SHOC2: variants seen among roughly 807,000 people sequenced by gnomAD.
SHOC2 encodes SHOC2 leucine rich repeat scaffold protein, also known as leucine-rich repeat protein SHOC-2.
In SHOC2, 4 loss-of-function variants were observed where a neutral mutation model predicts 50.2. That is an observed-to-expected ratio of 0.08 (90% CI 0.04 to 0.18). SHOC2 has a LOEUF of 0.18. SHOC2 is among the 10% of genes least tolerant of loss of function. The pLI is 1.00. For missense variants in SHOC2, 388 were observed against 669.6 expected (o/e 0.58, Z 4.64); for synonymous variants, 218 against 244.5 (o/e 0.89, Z 1.01).
chr10:111,007,220 A>G (rs1298045345), intron 5 of SHOC2, among the ~76,000 whole-genome samples: 1 of 152,184 alleles, frequency 6.6e-6, no homozygotes, highest in Non-Finnish European at 1.5e-5. Context: ...GTGAAATTGT[A>G]AAAACATCAT....
At chr10:110,956,530 CT>C (rs1053487793) in intron 1 of SHOC2, among the ~76,000 whole-genome samples, 13 of 152,184 alleles carry the variant, frequency 8.5e-5, no homozygotes, top group African/African-American at 3.1e-4. Context: ...TCCTGTGATA[CT>C]TTGCTGCTTT....
intron 1 of SHOC2, among the ~76,000 whole-genome samples, chr10:110,933,845 T>A (rs1846942239): frequency 6.6e-6 from 1 of 151,962 alleles, no homozygotes; most frequent in African/African-American, 2.4e-5. Context: ...GTGGATCCAG[T>A]CCAGTGATGC....
chr10:111,012,509 G>T lies in SHOC2; in HGVS notation c.*691G>T, dbSNP rs1332486270. 6.6e-6 allele frequency: 1 copy of T among 152,100 alleles called. No individual in the cohort carries two copies. The highest frequency in any genetic ancestry group is 2.4e-5 in the African/African-American group (1 of 41,426). The allele number at this position is 152,100 out of a possible 1,614,324, so 9.4% of individuals were successfully genotyped here. On this transcript the variant is annotated 3_prime_UTR_variant, in exon 9 of 9. Transcript: ENST00000369452. ...TTTAATTTTGCTTCTCTGACGAGTT[G>T]TGAAGCAAAATACCTGAAGTGAGTC...
At chr10:110,990,971 C>A (rs1035494914) in intron 3 of SHOC2, among the ~76,000 whole-genome samples, 4 of 152,090 alleles carry the variant, frequency 2.6e-5, no homozygotes, top group African/African-American at 9.7e-5. Context: ...GCCTTGAGAT[C>A]TTTGTGCTTC....
intron 2 of SHOC2, among the ~76,000 whole-genome samples, chr10:110,973,335 C>A (rs144858463): frequency 0.01 from 1,585 of 152,138 alleles, 24 homozygotes; most frequent in African/African-American, 0.036. Flanking sequence ...AAGTTTATAA[C>A]CGTGAAACAA....
chr10:110,954,203 TTTC>T (rs1331669083), intron 1 of SHOC2, among the ~76,000 whole-genome samples: 2 of 151,950 alleles, frequency 1.3e-5, no homozygotes, highest in African/African-American at 4.8e-5. Flanking sequence ...ACAAATTTAA[TTTC>T]TTTTTTACTA....
At chr10:110,944,958 C>A (rs1479258718) in intron 1 of SHOC2, among the ~76,000 whole-genome samples, 1 of 152,204 alleles carries the variant, frequency 6.6e-6, no homozygotes, top group Admixed American at 6.5e-5. Flanking sequence ...TTGTGCAGAG[C>A]TTCAAAGCTT....
chr10:110,992,280 A>G (rs1205460824), intron 3 of SHOC2, among the ~76,000 whole-genome samples: 1 of 152,188 alleles, frequency 6.6e-6, no homozygotes, highest in African/African-American at 2.4e-5. Context: ...TAAGTAAGAG[A>G]GTGCTTAAAT....
chr10:110,993,850 T>C (rs1210344099), intron 3 of SHOC2, among the ~76,000 whole-genome samples: 1 of 152,202 alleles, frequency 6.6e-6, no homozygotes, highest in Non-Finnish European at 1.5e-5. Flanking sequence ...AGAAAGTTTT[T>C]TAGTTTTCAG....
At chr10:110,927,134 C>T (rs1324174388) in intron 1 of SHOC2, among the ~76,000 whole-genome samples, 2 of 152,150 alleles carry the variant, frequency 1.3e-5, no homozygotes, top group Non-Finnish European at 2.9e-5. Flanking sequence ...TTGGCATTGC[C>T]TGGTTAACCG....
At chr10:110,983,411 C>T (rs973072601) in intron 2 of SHOC2, among the ~76,000 whole-genome samples, 1 of 152,002 alleles carries the variant, frequency 6.6e-6, no homozygotes, top group Admixed American at 6.6e-5. Flanking sequence ...ACTTAGATTA[C>T]TGATTTGAGA....
At chr10:110,955,484 T>C (rs1428532944) in intron 1 of SHOC2, among the ~76,000 whole-genome samples, 4 of 152,128 alleles carry the variant, frequency 2.6e-5, no homozygotes, top group Non-Finnish European at 5.9e-5. Context: ...TTTAGTGAGA[T>C]TGGGGGGGAA....
intron 1 of SHOC2, among the ~76,000 whole-genome samples, chr10:110,925,285 T>G (rs1282261622): frequency 6.6e-6 from 1 of 152,052 alleles, no homozygotes; most frequent in East Asian, 1.9e-4. Flanking sequence ...TTTAGGTAAG[T>G]CAGACTGTAT....
At chr10:110,949,949 C>T (rs1175929745) in intron 1 of SHOC2, among the ~76,000 whole-genome samples, 2 of 152,032 alleles carry the variant, frequency 1.3e-5, no homozygotes, top group Non-Finnish European at 1.5e-5. Context: ...ATTATATAAG[C>T]CCTCAGGTAG....
intron 1 of SHOC2, among the ~76,000 whole-genome samples, chr10:110,929,624 C>G (rs1277052541): frequency 6.6e-6 from 1 of 152,180 alleles, no homozygotes; most frequent in Non-Finnish European, 1.5e-5. Flanking sequence ...TGAAGAGTCT[C>G]TTACAGGTCT....
chr10:110,928,970 T>G (rs910336875), intron 1 of SHOC2, among the ~76,000 whole-genome samples: 2 of 152,218 alleles, frequency 1.3e-5, no homozygotes, highest in African/African-American at 4.8e-5. Flanking sequence ...AAAACTTTCC[T>G]GGCTTTTTCT....
In SHOC2 at chr10:110,973,793, G is replaced by A. The variant is rs58101642; in HGVS notation, c.703+8732G>A. On this transcript the variant is annotated intron_variant, in intron 2 of 8. Transcript: ENST00000369452. ...ATTTTGTAGTTTGATCTGTCAGGGC[G>A]TTTGTCTATTTTGTACAGTTTGTTG... Among the ~76,000 whole-genome samples, 1,147 of 151,796 alleles carry A rather than the reference G, an allele frequency of 7.6e-3. 11 individuals carry two copies. Among genetic ancestry groups the A allele is most frequent in the African/African-American group, 0.026 (1,085 of 41,436 alleles).
chr10:110,921,365 A>G (rs1233684112), intron 1 of SHOC2, among the ~76,000 whole-genome samples: 1 of 152,238 alleles, frequency 6.6e-6, no homozygotes, highest in Non-Finnish European at 1.5e-5. Context: ...CATTTGAAAA[A>G]TAGACAAAAA....
intron 2 of SHOC2, among the ~76,000 whole-genome samples, chr10:110,984,461 C>T (rs1246471303): frequency 6.6e-6 from 1 of 152,106 alleles, no homozygotes; most frequent in Non-Finnish European, 1.5e-5. Context: ...GTTGCCTTTT[C>T]ACTCTTCATA....
Sources: allele counts gnomAD v4.1 joint callset (sites outside exome capture counted in the v4.1 genomes callset), GRCh38; gene constraint gnomAD v4.1.1; transcripts MANE v1.5; gene names NCBI Gene and HGNC (gene_info 2026-07-23, HGNC 2026-07-21).